Variants in ACOT12 observed in about 807,000 individuals in gnomAD.
ACOT12 encodes the protein acyl-CoA thioesterase 12.
ACOT12 carries 51 observed loss-of-function variants against 67.7 expected under a neutral mutation model. The observed-to-expected ratio is 0.75, with a 90% CI of 0.60 to 0.95. The LOEUF (loss-of-function observed/expected upper bound fraction) is 0.95, where lower values mean the gene tolerates loss of function less well. Among genes scored for constraint, ACOT12 ranks in the 40% least tolerant of loss-of-function variants. ACOT12 has a pLI of 0.00. For missense variants in ACOT12, 734 were observed against 708.1 expected, an observed-to-expected ratio of 1.04 and a Z score of -0.41; for synonymous variants, 251 against 244.6, an observed-to-expected ratio of 1.03 and a Z score of -0.24.
intron 3 of ACOT12, among the ~76,000 whole-genome samples, chr5:81,368,310 T>C (rs1218951707): frequency 5.3e-5 from 8 of 151,896 alleles, no homozygotes; most frequent in Non-Finnish European, 2.9e-5. Flanking sequence ...ATAATAATAA[T>C]AATACAGAAG....
Position 81,344,965 on chromosome 5 carries a change from C to T in ACOT12, c.850G>A (p.Ala284Thr), listed in dbSNP as rs550490865. 4.3e-6 allele frequency: 7 copies of T among 1,614,204 alleles called. No homozygotes were observed. The South Asian group carries it at 5.5e-5, about 13-fold the overall frequency. The stretch of plus-strand genomic sequence containing the variant: ...TCAGCAGCATTGTAAATGAGAAAAG[C>T]ACTGTTGATGTGACGCCCTCGGCCC... ...AEGRGRHINSAFLIYNAADDK... is the reference protein window; with the variant it reads ...AEGRGRHINSTFLIYNAADDK... Residue 284 changes from alanine (A) to threonine (T), a missense_variant, in exon 8 of 15, where the codon GCT becomes ACT. By Grantham distance (58) the Ala-to-Thr change is moderately conservative (BLOSUM62 0). Transcript: ENST00000307624.
At chr5:81,332,880 A>G (rs948917191) in intron 12 of ACOT12, among the ~76,000 whole-genome samples, 4 of 152,076 alleles carry the variant, frequency 2.6e-5, no homozygotes, top group Admixed American at 1.3e-4. Flanking sequence ...CCTGGGCAAA[A>G]TCTTGCAAAA....
At chr5:81,389,885 A>G (rs1423495753) in intron 1 of ACOT12, among the ~76,000 whole-genome samples, 21 of 150,822 alleles carry the variant, frequency 1.4e-4, no homozygotes, top group East Asian at 5.8e-4. Flanking sequence ...GTCTTTCACC[A>G]TATTTGGAAC....
At chr5:81,320,272 T>A in the ACOT12 span, among the ~76,000 whole-genome samples, 1 of 152,178 alleles carries the variant, frequency 6.6e-6, no homozygotes, top group Admixed American at 6.5e-5. Context: ...CTAAAAACTT[T>A]GAGCTGCCTG....
chr5:81,371,800 C>T lies in ACOT12; in HGVS notation c.208G>A (p.Val70Ile). Residue 70 changes from valine to isoleucine, a missense_variant, in exon 3 of 15, where the codon GTT (valine) becomes ATT (isoleucine). Val to Ile is a conservative substitution (Grantham distance 29). Transcript: ENST00000307624. ...QFEETARVGQ[V>I]ITIKAKVTRA... ...GTAACTTTTGCTTTGATGGTTATAA[C>T]TTGTCCAACTCTAGGGAAAAACAAA... 1 of 1,614,072 alleles carries T rather than the reference C, an allele frequency of 6.2e-7. No individual in the cohort carries two copies. Among genetic ancestry groups the T allele is most frequent in the South Asian group, 1.1e-5 (1 of 91,082 alleles).
intron 5 of ACOT12, among the ~76,000 whole-genome samples, chr5:81,354,860 C>T (rs781312316): frequency 2.0e-5 from 3 of 151,976 alleles, no homozygotes; most frequent in Admixed American, 1.3e-4. Context: ...TGCACCACCA[C>T]GCCTGGCTAA....
intron 4 of ACOT12, among the ~76,000 whole-genome samples, chr5:81,362,837 A>T (rs900460444): frequency 7.9e-5 from 12 of 152,214 alleles, no homozygotes; most frequent in African/African-American, 2.9e-4. Context: ...TAAAAAATAG[A>T]ATTAGCTGAT....
chr5:81,343,801 A>C lies in ACOT12; in HGVS notation c.1044+17T>G. 6.2e-7 allele frequency: 1 copy of C among 1,610,414 alleles called. No individual in the cohort carries two copies. Among genetic ancestry groups the C allele is most frequent in the Non-Finnish European group, 8.5e-7 (1 of 1,179,014 alleles). ...ATGAGACTTTTATATGAAGAGCTCC[A>C]AATCACAAAACATCACCTGCTTGCT... On this transcript the variant is annotated intron_variant, in intron 10 of 14. Transcript: ENST00000307624.
In ACOT12 at chr5:81,347,857, GA is replaced by G; in HGVS notation, c.569del (p.Leu190ProfsTer38). ...TTCCGTGATGGTTTGCATGGGGTGG[GA>G]GGACCAGTTCAATGCTCTGAACGGA... ...GTSVQSIELV[L>X]PPHANHHGNT... On this transcript the variant is annotated frameshift_variant, in exon 6 of 15. Coordinates refer to ENST00000307624, the MANE Select transcript of ACOT12 (RefSeq NM_130767.3). LOFTEE classifies it high-confidence loss of function. 6.2e-7 allele frequency: 1 copy of G among 1,614,184 alleles called. No individual in the cohort carries two copies. The highest frequency in any genetic ancestry group is 8.5e-7 in the Non-Finnish European group (1 of 1,180,030).
chr5:81,332,514 C>G lies in ACOT12; in HGVS notation c.1354G>C (p.Val452Leu). 3.7e-6 allele frequency: 6 copies of G among 1,614,028 alleles called. No homozygotes were observed. Among genetic ancestry groups the G allele is most frequent in the Non-Finnish European group, 5.1e-6 (6 of 1,179,978 alleles). Reference protein sequence around the residue: ...ILNDDKPKDLVVLVSRRKPLK... With the variant: ...ILNDDKPKDLLVLVSRRKPLK... ...GGTTTTCTTCGTGATACGAGTACTA[C>G]CAAGTCTTTGGGTTTGTCATCATTC... Residue 452 changes from valine to leucine, a missense_variant, in exon 13 of 15, where the codon GTA becomes CTA. Coordinates refer to ENST00000307624, the MANE Select transcript of ACOT12 (RefSeq NM_130767.3).
chr5:81,316,003 T>C, the ACOT12 span, among the ~76,000 whole-genome samples: 2 of 152,370 alleles, frequency 1.3e-5, no homozygotes, highest in East Asian at 1.9e-4. Context: ...TTCACTGATA[T>C]ACCCCAAATG....
At chr5:81,362,042 T>C (rs1759925512) in intron 4 of ACOT12, among the ~76,000 whole-genome samples, 1 of 152,206 alleles carries the variant, frequency 6.6e-6, no homozygotes, top group East Asian at 1.9e-4. Flanking sequence ...AAAGGTGCTT[T>C]ACAATTAAGG....
chr5:81,347,798 T>C lies in ACOT12; in HGVS notation c.629A>G (p.Glu210Gly), dbSNP rs1759426538. Reference sequence around the variant, plus strand: ...CCTTGCAGAAATAGTAGCCACTGTCTCCATCCACGCCATAATCTGGCCACC... The same window carrying C: ...CCTTGCAGAAATAGTAGCCACTGTCCCCATCCACGCCATAATCTGGCCACC... ...TFGGQIMAWM[E>G]TVATISASRL... Residue 210 changes from glutamate to glycine, a missense_variant, in exon 6 of 15, where the codon GAG becomes GGG. Glu to Gly is a moderately conservative substitution (Grantham distance 98, BLOSUM62 -2). Coordinates refer to ENST00000307624, the MANE Select transcript of ACOT12 (RefSeq NM_130767.3). 6.2e-7 allele frequency: 1 copy of C among 1,614,140 alleles called. No individual in the cohort carries two copies. Among genetic ancestry groups the C allele is most frequent in the Non-Finnish European group, 8.5e-7 (1 of 1,180,016 alleles).
At chr5:81,385,673 T>C in intron 2 of ACOT12, 84 bp downstream of exon 2, 1 of 1,266,550 alleles carries the variant, frequency 7.9e-7, no homozygotes, top group Non-Finnish European at 1.1e-6. Context: ...TACCTCTGCC[T>C]GAATAAGCTC....
downstream of ACOT12, among the ~76,000 whole-genome samples, chr5:81,326,774 T>C (rs1446524329): frequency 1.3e-5 from 2 of 152,182 alleles, no homozygotes; most frequent in Non-Finnish European, 2.9e-5. Context: ...CCTATTTAGT[T>C]GTCTATGGGA....
intron 5 of ACOT12, among the ~76,000 whole-genome samples, chr5:81,353,696 G>A (rs1759622342): frequency 6.6e-6 from 1 of 152,168 alleles, no homozygotes; most frequent in Admixed American, 6.5e-5. Flanking sequence ...ACACATTCCA[G>A]AAATATCCTG....
Position 81,330,345 on chromosome 5 carries a change from T to C in ACOT12, c.*49A>G, listed in dbSNP as rs765445219. The C allele has an allele frequency of 1.4e-5, 23 of 1,587,372 alleles. No individual in the cohort carries two copies. In the Admixed American group the frequency reaches 3.3e-4, roughly 23 times the overall value. On this transcript the variant is annotated 3_prime_UTR_variant, in exon 15 of 15. Coordinates refer to ENST00000307624, the MANE Select transcript of ACOT12 (RefSeq NM_130767.3). Reference sequence around the variant, plus strand: ...TGACAGATGTCAGGGCTAAGGGTGCTTGGAATTAAAAGTGGGAAATTAAAT... The same window carrying C: ...TGACAGATGTCAGGGCTAAGGGTGCCTGGAATTAAAAGTGGGAAATTAAAT...
chr5:81,311,333 T>C, the ACOT12 span: 1 of 1,550,244 alleles, frequency 6.5e-7, no homozygotes, highest in Non-Finnish European at 8.9e-7. Context: ...TCCTCTGCGT[T>C]TTATTCTGCA....
chr5:81,312,710 AC>A, the ACOT12 span: 1 of 1,393,746 alleles, frequency 7.2e-7, no homozygotes, highest in South Asian at 1.2e-5. Flanking sequence ...TACTTTCTAA[AC>A]CAGGCCCGCT....
Sources: allele counts gnomAD v4.1 joint callset (sites outside exome capture counted in the v4.1 genomes callset), GRCh38; gene constraint gnomAD v4.1.1; transcripts MANE v1.5; gene names NCBI Gene and HGNC (gene_info 2026-07-23, HGNC 2026-07-21).